The following RIMS1 variants were observed in gnomAD, a reference collection of about 807,000 sequenced individuals.
RIMS1 encodes regulating synaptic membrane exocytosis protein 1.
In RIMS1, 83 loss-of-function variants were observed where a neutral mutation model predicts 214.1. The observed-to-expected ratio is 0.39, with a 90% CI of 0.32 to 0.47. RIMS1 has a LOEUF of 0.47. Among genes scored for constraint, RIMS1 ranks in the 20% least tolerant of loss-of-function variants. The pLI is 0.99. For synonymous variants in RIMS1, 793 were observed against 786.8 expected (o/e 1.01, Z -0.13); for missense variants, 2,050 against 2,161.8 (o/e 0.95, Z 1.03).
chr6:72,385,019 C>T (rs998566703), intron 29 of RIMS1, among the ~76,000 whole-genome samples: 21 of 152,132 alleles, frequency 1.4e-4, no homozygotes, highest in African/African-American at 4.3e-4. Context: ...TTCCGGAACA[C>T]GGGTGAAATA....
chr6:72,295,544 A>G (rs1443330967), intron 26 of RIMS1, among the ~76,000 whole-genome samples: 2 of 151,802 alleles, frequency 1.3e-5, no homozygotes, highest in Non-Finnish European at 3.0e-5. Context: ...TTTGTTATGA[A>G]AATTAAGTAT....
At chr6:72,247,924 T>C (rs1388186765) in intron 11 of RIMS1, 91 bp from the exon 12 acceptor site, 6 of 816,760 alleles carry the variant, frequency 7.3e-6, no homozygotes, top group Non-Finnish European at 1.3e-5. Flanking sequence ...ATAGTAATTA[T>C]GGTTTTATAC....
At chr6:72,074,241 C>T (rs1288723259) in intron 2 of RIMS1, among the ~76,000 whole-genome samples, 1 of 152,154 alleles carries the variant, frequency 6.6e-6, no homozygotes, top group Non-Finnish European at 1.5e-5. Flanking sequence ...ACCCACAAAG[C>T]AACATTCATA....
intron 4 of RIMS1, among the ~76,000 whole-genome samples, chr6:72,151,484 C>T (rs1305245493): frequency 6.6e-6 from 1 of 152,192 alleles, no homozygotes; most frequent in Non-Finnish European, 1.5e-5. Flanking sequence ...ATAACCTACT[C>T]ATATTAGTGA....
At chr6:72,193,055 T>G (rs990099124) in intron 6 of RIMS1, among the ~76,000 whole-genome samples, 3 of 152,212 alleles carry the variant, frequency 2.0e-5, no homozygotes, top group African/African-American at 4.8e-5. Context: ...CAGTTTTTAT[T>G]GAATATGTGT....
intron 31 of RIMS1, among the ~76,000 whole-genome samples, chr6:72,394,024 TA>T (rs79272785): frequency 0.012 from 1,309 of 111,816 alleles, 9 homozygotes; most frequent in African/African-American, 0.027. Context: ...AATTATGAAC[TA>T]AAAAAAAAAA....
chr6:72,078,352 C>T (rs1832426353), intron 2 of RIMS1, among the ~76,000 whole-genome samples: 2 of 152,154 alleles, frequency 1.3e-5, no homozygotes, highest in African/African-American at 4.8e-5. Flanking sequence ...TGAAATGTTA[C>T]CTCACTCTTT....
intron 21 of RIMS1, 45 bp from the exon 22 acceptor site, chr6:72,265,915 C>T: frequency 7.4e-7 from 1 of 1,353,142 alleles, no homozygotes; most frequent in South Asian, 1.3e-5. Flanking sequence ...TCTTTGTTTT[C>T]TCTGTCTTTC....
chr6:72,255,738 A>C (rs955969038), intron 16 of RIMS1, among the ~76,000 whole-genome samples: 2 of 152,148 alleles, frequency 1.3e-5, no homozygotes, highest in African/African-American at 4.8e-5. Flanking sequence ...TGGGATTACC[A>C]TAAAATAGTT....
intron 1 of RIMS1, among the ~76,000 whole-genome samples, chr6:71,894,655 G>A (rs1317641037): frequency 6.6e-6 from 1 of 152,156 alleles, no homozygotes; most frequent in Non-Finnish European, 1.5e-5. Flanking sequence ...TAATGTGTGA[G>A]AATTTATTTA....
intron 4 of RIMS1, among the ~76,000 whole-genome samples, chr6:72,106,559 A>G (rs1170858935): frequency 6.6e-6 from 1 of 152,216 alleles, no homozygotes; most frequent in African/African-American, 2.4e-5. Context: ...CACTTGACGG[A>G]CAGTATCACA....
chr6:72,400,896 G>A lies in RIMS1; in HGVS notation c.*182G>A, dbSNP rs960048959. 1 of 557,242 alleles carries A rather than the reference G, an allele frequency of 1.8e-6. No homozygotes were observed. Among genetic ancestry groups the A allele is most frequent in the Non-Finnish European group, 3.2e-6 (1 of 314,954 alleles). The allele number at this position is 557,242 out of a possible 1,614,324, so 34.5% of individuals were successfully genotyped here. Reference sequence around the variant, plus strand: ...ACATGGCTTCATATGACAGAACAAGGCAATCTATCAAATTTACAGGAAGAA... The same window carrying A: ...ACATGGCTTCATATGACAGAACAAGACAATCTATCAAATTTACAGGAAGAA... On this transcript the variant is annotated 3_prime_UTR_variant, in exon 34 of 34. Transcript: ENST00000521978.
chr6:72,129,497 C>T (rs1377996829), intron 4 of RIMS1, among the ~76,000 whole-genome samples: 1 of 152,018 alleles, frequency 6.6e-6, no homozygotes, highest in African/African-American at 2.4e-5. Flanking sequence ...AACAGTATTA[C>T]CCAATACATA....
intron 2 of RIMS1, among the ~76,000 whole-genome samples, chr6:72,014,341 C>T (rs1248768837): frequency 1.3e-5 from 2 of 152,212 alleles, no homozygotes; most frequent in African/African-American, 4.8e-5. Context: ...ATGGAAACTA[C>T]AATTCAAGAT....
At chr6:72,076,700 C>T (rs775331071) in intron 2 of RIMS1, among the ~76,000 whole-genome samples, 6 of 152,106 alleles carry the variant, frequency 3.9e-5, no homozygotes, top group Non-Finnish European at 8.8e-5. Context: ...AGGGATGATG[C>T]TATCCTGGGA....
chr6:72,074,462 G>A (rs1257980668), intron 2 of RIMS1, among the ~76,000 whole-genome samples: 1 of 152,112 alleles, frequency 6.6e-6, no homozygotes, highest in Non-Finnish European at 1.5e-5. Context: ...ACAGGAGTTC[G>A]AGACCAGCCT....
At chr6:72,160,015 C>T (rs1475863068) in intron 4 of RIMS1, among the ~76,000 whole-genome samples, 2 of 132,894 alleles carry the variant, frequency 1.5e-5, no homozygotes, top group South Asian at 5.3e-4. Context: ...ATTCTTCCTA[C>T]CCATGAGCAT....
At chr6:72,054,730 G>T (rs1337791085) in intron 2 of RIMS1, among the ~76,000 whole-genome samples, 1 of 152,058 alleles carries the variant, frequency 6.6e-6, no homozygotes, top group Non-Finnish European at 1.5e-5. Flanking sequence ...CTTCTTTTGA[G>T]AAGTGTCTGT....
At chr6:71,925,556 G>A (rs916196221) in intron 1 of RIMS1, among the ~76,000 whole-genome samples, 4 of 152,186 alleles carry the variant, frequency 2.6e-5, no homozygotes, top group Non-Finnish European at 5.9e-5. Flanking sequence ...GTTCTACTAA[G>A]TTGGAATATC....
Sources: allele counts gnomAD v4.1 joint callset (sites outside exome capture counted in the v4.1 genomes callset), GRCh38; gene constraint gnomAD v4.1.1; transcripts MANE v1.5; gene names NCBI Gene and HGNC (gene_info 2026-07-23, HGNC 2026-07-21).